STRN: variants seen among roughly 807,000 people sequenced by gnomAD.
STRN encodes the protein protein phosphatase 2 regulatory subunit B'''alpha.
Under a neutral mutation model 96.3 loss-of-function variants are expected in STRN, and 53 were observed. The ratio of observed to expected loss-of-function variants is 0.55; its 90% CI spans 0.44 to 0.69. STRN has a LOEUF of 0.69. Among genes scored for constraint, STRN ranks in the 30% least tolerant of loss-of-function variants. The pLI, the probability that STRN is intolerant of heterozygous loss-of-function variation, is 0.00. For missense variants in STRN, 987 were observed against 963.9 expected (o/e 1.02, Z -0.32); for synonymous variants, 428 against 355.9 (o/e 1.20, Z -2.28).
chr2:36,893,904 C>G lies in STRN; in HGVS notation c.925G>C (p.Asp309His), dbSNP rs775829241. The G allele has an allele frequency of 6.2e-7, 1 of 1,609,334 alleles. No individual in the cohort carries two copies. The highest frequency in any genetic ancestry group is 1.1e-5 in the South Asian group (1 of 89,758). Reference protein sequence around the residue: ...NESRSAGDGTDWEKEDQCLMP... With the variant: ...NESRSAGDGTHWEKEDQCLMP... ...ATCCAGTATGCTTCCTTACCCCAGT[C>G]TGTTCCATCGCCTGCACTTCTAGAT... Residue 309 changes from aspartate (D) to histidine (H), a missense_variant, in exon 7 of 18, where the codon GAC (aspartate) becomes CAC (histidine). Asp to His is a moderately conservative substitution (Grantham distance 81). Transcript: ENST00000263918.
Position 36,845,648 on chromosome 2 carries a change from C to T in STRN, c.*3808G>A, listed in dbSNP as rs903475769. ...TTACTTAGCCAACATTAATGAGATC[C>T]CATAATTTTGGTGAACAAATAATTT... On this transcript the variant is annotated 3_prime_UTR_variant, in exon 18 of 18. Coordinates refer to ENST00000263918, the MANE Select transcript of STRN (RefSeq NM_003162.4). 6.6e-6 allele frequency: 1 copy of T among 151,992 alleles called. No individual in the cohort carries two copies. Among genetic ancestry groups the T allele is most frequent in the African/African-American group, 2.4e-5 (1 of 41,376 alleles). 9.4% of individuals were successfully genotyped at this position (151,992 alleles called of 1,614,324 possible). A position where few individuals can be genotyped will look rare whatever the true frequency, so the allele number is the denominator to read the frequency against.
intron 1 of STRN, among the ~76,000 whole-genome samples, chr2:36,959,403 C>A (rs140914727): frequency 2.0e-5 from 3 of 152,276 alleles, no homozygotes; most frequent in African/African-American, 7.2e-5. Flanking sequence ...TGGAATGATA[C>A]AGATGATTAG....
At chr2:36,856,892 G>A (rs1056196555) in intron 14 of STRN, among the ~76,000 whole-genome samples, 2 of 152,034 alleles carry the variant, frequency 1.3e-5, no homozygotes, top group African/African-American at 4.8e-5. Flanking sequence ...TCCTGCTCCG[G>A]CCATGTAAAA....
At chr2:36,930,979 G>C (rs147024500) in intron 1 of STRN, among the ~76,000 whole-genome samples, 2,453 of 151,890 alleles carry the variant, frequency 0.016, 71 homozygotes, top group African/African-American at 0.057. Flanking sequence ...GTTGTGGTGA[G>C]TCGAGATCAT....
chr2:36,887,917 A>G (rs1479700955), intron 7 of STRN, among the ~76,000 whole-genome samples: 1 of 152,202 alleles, frequency 6.6e-6, no homozygotes, highest in African/African-American at 2.4e-5. Flanking sequence ...TGCTAGCTTG[A>G]ACCCAAGACT....
chr2:36,904,148 A>T (rs2691115), intron 4 of STRN, among the ~76,000 whole-genome samples: 131,123 of 152,218 alleles, frequency 0.86, 58,188 homozygotes, highest in Non-Finnish European at 0.96. Flanking sequence ...TTTAAAAAGG[A>T]AGATGTATAA....
In STRN at chr2:36,869,653, C is replaced by T. The variant is rs1230589332; in HGVS notation, c.1400G>A (p.Arg467Gln). The T allele has an allele frequency of 1.2e-5, 19 of 1,612,628 alleles. No individual in the cohort carries two copies. Among genetic ancestry groups the T allele is most frequent in the Non-Finnish European group, 1.6e-5 (19 of 1,179,302 alleles). Residue 467 changes from arginine to glutamine, a missense_variant, in exon 11 of 18, where the codon CGA (arginine) becomes CAA (glutamine). Physicochemically the swap from Arg to Gln is conservative, Grantham distance 43. Transcript: ENST00000263918. ...FTLRSHFDGIRALAFHPIEPV... is the reference protein window; with the variant it reads ...FTLRSHFDGIQALAFHPIEPV... ...CTCAATGGGATGGAAAGCAAGGGCT[C>T]GGATGCCATCAAAGTGACTTCTCAA...
At position 36,941,716 on chromosome 2, in the gene STRN, A is replaced by ATTTTTTTTTTTT. The variant is rs34746648; in HGVS notation, c.235-16520_235-16509dup. 9.0e-3 allele frequency among the ~76,000 whole-genome samples: 1,216 copies of ATTTTTTTTTTTT among 134,684 alleles called. 36 individuals carry two copies. Among genetic ancestry groups the ATTTTTTTTTTTT allele is most frequent in the African/African-American group, 0.033 (1,145 of 35,208 alleles). The allele number at this position is 134,684 out of a possible 152,430, so 88.4% of individuals were successfully genotyped here. A position where few individuals can be genotyped will look rare whatever the true frequency, so the allele number is the denominator to read the frequency against. On this transcript the variant is annotated intron_variant, in intron 1 of 17. Coordinates refer to ENST00000263918, the MANE Select transcript of STRN (RefSeq NM_003162.4). ...AGGCGCCTGCCACCCCACCCAGCTA[A>ATTTTTTTTTTTT]TTTTTTTTTTTTTTTTTAGTGGAGA...
At chr2:36,850,926 C>G (rs1406974274) in intron 16 of STRN, 74 bp downstream of exon 16, 3 of 1,248,090 alleles carry the variant, frequency 2.4e-6, no homozygotes, top group African/African-American at 1.6e-5. Context: ...CCAAGAGACA[C>G]CAAAATTAGC....
chr2:36,883,841 TTCTC>T (rs1669141734), intron 9 of STRN, 87 bp downstream of exon 9: 3 of 1,190,390 alleles, frequency 2.5e-6, no homozygotes, highest in Admixed American at 3.4e-5. Flanking sequence ...CAGAATAAAG[TTCTC>T]TCTAATAGGA....
intron 9 of STRN, among the ~76,000 whole-genome samples, chr2:36,878,314 G>A (rs541115315): frequency 6.6e-6 from 1 of 152,156 alleles, no homozygotes; most frequent in South Asian, 2.1e-4. Context: ...ATGACTATAG[G>A]AAAGTAAGTT....
chr2:36,854,088 T>C (rs969359023), intron 15 of STRN, among the ~76,000 whole-genome samples: 1 of 152,186 alleles, frequency 6.6e-6, no homozygotes, highest in African/African-American at 2.4e-5. Flanking sequence ...TGACATCTTA[T>C]TAACCTGCAG....
rs373567716 is a variant in STRN at position 36,857,787 on chromosome 2, CTGCT to C, written c.1837+65_1837+68del. The C allele has an allele frequency of 2.5e-4, 329 of 1,309,342 alleles. 1 individual carries two copies. In the East Asian group the frequency reaches 6.2e-3, roughly 25 times the overall value. The allele number at this position is 1,309,342 out of a possible 1,614,324, so 81.1% of individuals were successfully genotyped here. A position where few individuals can be genotyped will look rare whatever the true frequency, so the allele number is the denominator to read the frequency against. ...TTAAAGAGTTCAGGGAATCATTTAT[CTGCT>C]TGCTTATTTTCAGAATAAACTGTTT... is the stretch of plus-strand genomic sequence containing the variant. On this transcript the variant is annotated intron_variant, in intron 14 of 17. Coordinates refer to ENST00000263918, the MANE Select transcript of STRN (RefSeq NM_003162.4).
Position 36,849,295 on chromosome 2 carries a change from AACAGT to A in STRN, c.*156_*160del, listed in dbSNP as rs1364536657. On this transcript the variant is annotated 3_prime_UTR_variant, in exon 18 of 18. Transcript: ENST00000263918. ...ACCTGAACAAACCTTAGTTTTAGAA[AACAGT>A]ATATGAATTGCAAAACTATACTTCA... The A allele has an allele frequency of 2.5e-6, 2 of 814,828 alleles. No individual in the cohort carries two copies. The highest frequency in any genetic ancestry group is 3.7e-6 in the Non-Finnish European group (2 of 539,492). 50.5% of individuals were successfully genotyped at this position (814,828 alleles called of 1,614,324 possible).
intron 2 of STRN, among the ~76,000 whole-genome samples, chr2:36,923,096 C>G (rs1006232345): frequency 2.7e-5 from 4 of 149,630 alleles, no homozygotes; most frequent in African/African-American, 9.9e-5. Context: ...GAGCCAAGAT[C>G]GTACCACTGC....
At chr2:36,936,609 C>A (rs1670707954) in intron 1 of STRN, among the ~76,000 whole-genome samples, 1 of 152,092 alleles carries the variant, frequency 6.6e-6, no homozygotes. Flanking sequence ...GACTAATAAT[C>A]TTTCAATACA....
Position 36,883,843 on chromosome 2 carries a change from C to T in STRN, c.1186+89G>A, listed in dbSNP as rs547622881. The T allele has an allele frequency of 9.1e-6, 11 of 1,215,024 alleles. No homozygotes were observed. The African/African-American group carries it at 1.1e-4, about 12-fold the overall frequency. The allele number at this position is 1,215,024 out of a possible 1,614,324, so 75.3% of individuals were successfully genotyped here. A position where few individuals can be genotyped will look rare whatever the true frequency, so the allele number is the denominator to read the frequency against. ...GATCAAACATCTGCAGAATAAAGTT[C>T]TCTCTAATAGGAGAGGCCTTTCTAA... On this transcript the variant is annotated intron_variant, in intron 9 of 17. Coordinates refer to ENST00000263918, the MANE Select transcript of STRN (RefSeq NM_003162.4).
Position 36,896,782 on chromosome 2 carries a change from G to C in STRN, c.795+2741C>G, listed in dbSNP as rs181954964. Among the ~76,000 whole-genome samples the C allele has an allele frequency of 2.4e-3, 359 of 152,280 alleles. 4 individuals are homozygous for C. Among genetic ancestry groups the C allele is most frequent in the African/African-American group, 8.4e-3 (350 of 41,556 alleles). ...TGCTGCAGAAGTTAGGCTTCACACAGTTTGAAACTGATCACTTTTTACATG... is the reference window on the plus strand; with the variant it reads ...TGCTGCAGAAGTTAGGCTTCACACACTTTGAAACTGATCACTTTTTACATG... On this transcript the variant is annotated intron_variant, in intron 6 of 17. Transcript: ENST00000263918.
rs1187872098 is a variant in STRN at position 36,931,148 on chromosome 2, C to A, written c.235-5940G>T. On this transcript the variant is annotated intron_variant, in intron 1 of 17. Coordinates refer to ENST00000263918, the MANE Select transcript of STRN (RefSeq NM_003162.4). Reference sequence around the variant, plus strand: ...TCGCGTCCAGCCCCAGAACCCTACCCTTTTTACTCCACAGAAGTTTGGAGT... The same window carrying A: ...TCGCGTCCAGCCCCAGAACCCTACCATTTTTACTCCACAGAAGTTTGGAGT... 2.6e-5 allele frequency among the ~76,000 whole-genome samples: 4 copies of A among 152,054 alleles called. No homozygotes were observed. The East Asian group carries it at 7.7e-4, about 29-fold the overall frequency.
Sources: allele counts gnomAD v4.1 joint callset (sites outside exome capture counted in the v4.1 genomes callset), GRCh38; gene constraint gnomAD v4.1.1; transcripts MANE v1.5; gene names NCBI Gene and HGNC (gene_info 2026-07-23, HGNC 2026-07-21).